The following PTPRN variants were observed in gnomAD, a reference collection of about 807,000 sequenced individuals.
The protein encoded by PTPRN is receptor-type tyrosine-protein phosphatase-like N.
A neutral mutation model predicts 108.5 loss-of-function variants in PTPRN; 70 were observed. The ratio of observed to expected loss-of-function variants is 0.65; its 90% confidence interval spans 0.53 to 0.79. The LOEUF is 0.79. PTPRN is among the 30% of genes least tolerant of loss of function. The probability of loss-of-function intolerance (pLI) is 0.00; values close to 1 mark genes in which losing one functional copy is unlikely to be tolerated. For synonymous variants in PTPRN, 496 were observed against 524.6 expected (o/e 0.95, Z 0.75); for missense variants, 1,136 against 1,295.5 (o/e 0.88, Z 1.89).
At position 219,297,014 on chromosome 2, in the gene PTPRN, T is replaced by A. The variant is rs755778801; in HGVS notation, c.2207A>T (p.Lys736Ile). 6.2e-7 allele frequency: 1 copy of A among 1,613,838 alleles called. No individual in the cohort carries two copies. The highest frequency in any genetic ancestry group is 8.5e-7 in the Non-Finnish European group (1 of 1,180,000). The change falls in exon 15 of 23, where the codon AAA (lysine) becomes ATA (isoleucine). Residue 736 changes from lysine (K) to isoleucine (I), a missense_variant. Transcript: ENST00000295718. The surrounding 1 kb of genome is among the most constrained non-coding windows in gnomAD (Gnocchi z 6.0). ...CATAQGEGNI[K>I]KNRHPDFLPY... is the part of the protein sequence containing the mutation. Reference sequence around the variant, plus strand: ...CAGGAAGTCAGGATGCCGGTTCTTTTTGATGTTGCCCTCCCCCTGCGCGGT... The same window carrying A: ...CAGGAAGTCAGGATGCCGGTTCTTTATGATGTTGCCCTCCCCCTGCGCGGT...
chr2:219,299,300 T>C lies in PTPRN; in HGVS notation c.1603+5A>G. 6.2e-7 allele frequency: 1 copy of C among 1,614,050 alleles called. No individual in the cohort carries two copies. Among genetic ancestry groups the C allele is most frequent in the Non-Finnish European group, 8.5e-7 (1 of 1,179,892 alleles). Reference sequence around the variant, plus strand: ...GCCTGGGATTGAGGTCGCAGAGATATTTACCTGCTTGTTGGGTCACATCAG... The same window carrying C: ...GCCTGGGATTGAGGTCGCAGAGATACTTACCTGCTTGTTGGGTCACATCAG... On this transcript the variant is annotated splice_donor_5th_base_variant and intron_variant, in intron 11 of 22. Transcript: ENST00000295718.
rs1952246612 is a variant in PTPRN, at chr2:219,298,071, A to T, written c.1701T>A (p.Thr567=). 1.2e-6 allele frequency: 2 copies of T among 1,613,852 alleles called. No individual in the cohort carries two copies. The highest frequency in any genetic ancestry group is 1.7e-6 in the Non-Finnish European group (2 of 1,179,948). ...REEAAAVLPQ[T]AHSTSPMRSV... ...AGCGCATGGGTGAGGTGCTGTGCGC[A>T]GTTTGGGGAAGGACTGCAGCTGCCT... is the stretch of plus-strand genomic sequence containing the variant. The change falls in exon 13 of 23, where the codon ACT becomes ACA. Residue 567 remains threonine, a synonymous_variant. Transcript: ENST00000295718.
At position 219,308,825 on chromosome 2, in the gene PTPRN, C is replaced by T. The variant is rs991701927; in HGVS notation, c.115+393G>A. ...CCAGGCTTCCACTGCCCAGAGATCA[C>T]CGTTCCCTCATTCTCCCCGCCACCT... On this transcript the variant is annotated intron_variant, in intron 1 of 22. Transcript: ENST00000295718. 1.1e-5 allele frequency: 15 copies of T among 1,305,428 alleles called. No homozygotes were observed. In the African/African-American group the frequency reaches 2.1e-4, roughly 18 times the overall value. The allele number at this position is 1,305,428 out of a possible 1,614,324, so 80.9% of individuals were successfully genotyped here. A position where few individuals can be genotyped will look rare whatever the true frequency, so the allele number is the denominator to read the frequency against.
Position 219,297,014 on chromosome 2 carries a change from T to C in PTPRN, c.2207A>G (p.Lys736Arg). ...CAGGAAGTCAGGATGCCGGTTCTTT[T>C]TGATGTTGCCCTCCCCCTGCGCGGT... ...CATAQGEGNIKKNRHPDFLPY... is the reference protein window; with the variant it reads ...CATAQGEGNIRKNRHPDFLPY... The change falls in exon 15 of 23, where the codon AAA (lysine) becomes AGA (arginine). Residue 736 changes from lysine to arginine, a missense_variant. Physicochemically the swap from Lys to Arg is conservative, Grantham distance 26. Coordinates refer to ENST00000295718, the MANE Select transcript of PTPRN (RefSeq NM_002846.4). The surrounding 1 kb of genome is among the most constrained non-coding windows in gnomAD (Gnocchi z 6.0). 6.2e-7 allele frequency: 1 copy of C among 1,613,956 alleles called. No homozygotes were observed. Among genetic ancestry groups the C allele is most frequent in the Non-Finnish European group, 8.5e-7 (1 of 1,179,992 alleles).
At chr2:219,303,670 C>A (rs1952413158) in intron 4 of PTPRN, 65 bp downstream of exon 4, 14 of 1,479,468 alleles carry the variant, frequency 9.5e-6, no homozygotes, top group Non-Finnish European at 1.2e-5. Flanking sequence ...TTCTCTCCAT[C>A]AATTAGGACA....
Position 219,296,691 on chromosome 2 carries a change from T to C in PTPRN, c.2310+58A>G. 1 of 1,597,840 alleles carries C rather than the reference T, an allele frequency of 6.3e-7. No individual in the cohort carries two copies. Among genetic ancestry groups the C allele is most frequent in the Non-Finnish European group, 8.5e-7 (1 of 1,169,606 alleles). On this transcript the variant is annotated intron_variant, in intron 16 of 22. Coordinates refer to ENST00000295718, the MANE Select transcript of PTPRN (RefSeq NM_002846.4). This position sits in a 1 kb window ranked among gnomAD's most constrained non-coding sequence, Gnocchi z 6.0. ...GGCAGGTGACCACGGGGAAATGGAG[T>C]GCATAGGGCCAGGATAATGATGGGG...
At chr2:219,292,497 C>T (rs1048949905) in intron 19 of PTPRN, 4 of 152,172 alleles carry the variant, frequency 2.6e-5, no homozygotes, top group African/African-American at 9.7e-5. Flanking sequence ...GACCAGGTGA[C>T]TTAGAATGGC....
rs376878310 is a variant in PTPRN at position 219,303,700 on chromosome 2, C to T, written c.377+35G>A. 1.9e-6 allele frequency: 3 copies of T among 1,568,908 alleles called. 1 individual carries two copies. The highest frequency in any genetic ancestry group is 8.8e-7 in the Non-Finnish European group (1 of 1,139,846). On this transcript the variant is annotated intron_variant, in intron 4 of 22. Coordinates refer to ENST00000295718, the MANE Select transcript of PTPRN (RefSeq NM_002846.4). ...AGGACAACCACAGATTCATCAGCCT[C>T]ACCATTGCTAGAGTTGTAGAGAAAG...
intron 19 of PTPRN, among the ~76,000 whole-genome samples, chr2:219,293,871 G>A (rs1023256548): frequency 2.0e-5 from 3 of 152,242 alleles, no homozygotes; most frequent in Non-Finnish European, 4.4e-5. Context: ...GGCTTCCCAA[G>A]TACCTGTCTG....
chr2:219,290,814 G>C lies in PTPRN; in HGVS notation c.2794+12C>G, dbSNP rs748045528. On this transcript the variant is annotated intron_variant, in intron 21 of 22. Transcript: ENST00000295718. This position sits in a 1 kb window ranked among gnomAD's most constrained non-coding sequence, Gnocchi z 4.2. ...GCCTGGGGGCTGCGGGCACCGTGGG[G>C]AAGCTCCCTACCTTTTGCCATGCGG... The C allele has an allele frequency of 6.2e-7, 1 of 1,613,666 alleles. No individual in the cohort carries two copies. Among genetic ancestry groups the C allele is most frequent in the East Asian group, 2.2e-5 (1 of 44,874 alleles).
rs569726853 is a variant in PTPRN at position 219,296,414 on chromosome 2, C to A, written c.2388+25G>T. ...GACCTCGTGGCCACAAGGACCCCAG[C>A]GAAGCCCTCCCTTTAAGAGCCCACC... On this transcript the variant is annotated intron_variant, in intron 17 of 22. Coordinates refer to ENST00000295718, the MANE Select transcript of PTPRN (RefSeq NM_002846.4). This position sits in a 1 kb window ranked among gnomAD's most constrained non-coding sequence, Gnocchi z 6.0. 8.0e-5 allele frequency: 129 copies of A among 1,614,088 alleles called. No homozygotes were observed. In the South Asian group the frequency reaches 1.3e-3, roughly 16 times the overall value.
At chr2:219,291,829 A>C (rs1952061486) in intron 19 of PTPRN, 1 of 473,314 alleles carries the variant, frequency 2.1e-6, no homozygotes, top group Non-Finnish European at 3.9e-6. Context: ...AAACCTCCTT[A>C]GGGTTCTTAC....
At chr2:219,299,895 GCACGTCTGGATTTCT>G (rs1321535084) in intron 9 of PTPRN, 75 bp downstream of exon 9, 2 of 1,575,586 alleles carry the variant, frequency 1.3e-6, no homozygotes, top group Non-Finnish European at 1.7e-6. Context: ...CCCTGTCCCT[GCACGTCTGGATTTCT>G]GCCCTCTGCT....
At chr2:219,291,654 G>T in intron 19 of PTPRN, 131 bp from the exon 20 acceptor site, 1 of 947,362 alleles carries the variant, frequency 1.1e-6, no homozygotes, top group Non-Finnish European at 1.6e-6. Flanking sequence ...GAAGATGGTT[G>T]GAGAAAGGAG....
chr2:219,309,176 T>TCCCCCCCCCCCCCCCCCCCCCCCCCCCAA, intron 1 of PTPRN, 42 bp downstream of exon 1: 1 of 1,364,360 alleles, frequency 7.3e-7, no homozygotes, highest in Non-Finnish European at 9.9e-7. Context: ...CCCAAGCTGC[T>TCCCCCCCCCCCCCCCCCCCCCCCCCCCAA]CCCCGCCCCC....
At chr2:219,294,586 G>C (rs1952134396) in intron 19 of PTPRN, among the ~76,000 whole-genome samples, 1 of 151,738 alleles carries the variant, frequency 6.6e-6, no homozygotes, top group Non-Finnish European at 1.5e-5. Flanking sequence ...AGGCAGCGCA[G>C]TGCAGGGCCT....
At chr2:219,307,973 G>A (rs1952525968) in intron 1 of PTPRN, 131 bp from the exon 2 acceptor site, 2 of 857,394 alleles carry the variant, frequency 2.3e-6, no homozygotes, top group Non-Finnish European at 3.8e-6. Flanking sequence ...TAAGCTGGGA[G>A]GAGAGTAGGA....
At chr2:219,308,779 C>A (rs80322301) in intron 1 of PTPRN, 151,005 of 1,223,556 alleles carry the variant, frequency 0.12, 10,302 homozygotes, top group Middle Eastern at 0.22. Context: ...CTCTGCCCAG[C>A]TGGGACTCTA....
chr2:219,296,301 C>T lies in PTPRN; in HGVS notation c.2433G>A (p.Pro811=), dbSNP rs762624471. The change falls in exon 18 of 23, where the codon CCG becomes CCA. Residue 811 remains proline (P), a synonymous_variant. Coordinates refer to ENST00000295718, the MANE Select transcript of PTPRN (RefSeq NM_002846.4). The surrounding 1 kb of genome is among the most constrained non-coding windows in gnomAD (Gnocchi z 6.0). ...SGCTVIVMLT[P]LVEDGVKQCD... The stretch of plus-strand genomic sequence containing the variant: ...ACTGCTTGACACCATCCTCCACCAG[C>T]GGGGTCAGCATGACGATGACGGTGC... 81 of 1,614,024 alleles carry T rather than the reference C, an allele frequency of 5.0e-5. No homozygotes were observed. Among genetic ancestry groups the T allele is most frequent in the South Asian group, 8.8e-5 (8 of 91,076 alleles).
Sources: allele counts gnomAD v4.1 joint callset (sites outside exome capture counted in the v4.1 genomes callset), GRCh38; gene constraint gnomAD v4.1.1; non-coding constraint Gnocchi (gnomAD v3.1); transcripts MANE v1.5; gene names NCBI Gene and HGNC (gene_info 2026-07-23, HGNC 2026-07-21).